Variants in PCDH15 observed in about 807,000 individuals in gnomAD.
PCDH15 encodes the protein protocadherin-15.
In PCDH15, 129 loss-of-function variants were observed where a neutral mutation model predicts 178.5. That is an observed-to-expected ratio of 0.72 (90% CI 0.63 to 0.84). PCDH15 has a LOEUF of 0.84. Ranked by LOEUF, PCDH15 falls within the 40% of genes least tolerant of loss-of-function variation. PCDH15 has a pLI of 0.00. For missense variants in PCDH15, 2,230 were observed against 2,099.9 expected (o/e 1.06, Z -1.21); for synonymous variants, 800 against 732.0 (o/e 1.09, Z -1.50).
chr10:55,006,159 A>T (rs1011291492), intron 2 of PCDH15, among the ~76,000 whole-genome samples: 1 of 152,020 alleles, frequency 6.6e-6, no homozygotes, highest in African/African-American at 2.4e-5. Flanking sequence ...ATTCTTATTA[A>T]TTGTATTAAT....
intron 34 of PCDH15, among the ~76,000 whole-genome samples, chr10:53,816,672 T>G (rs2076070557): frequency 1.3e-5 from 2 of 152,158 alleles, no homozygotes; most frequent in African/African-American, 4.8e-5. Flanking sequence ...CTTTTTTTCC[T>G]TCCCAATCAC....
intron 26 of PCDH15, among the ~76,000 whole-genome samples, chr10:53,896,692 G>A (rs2081974600): frequency 1.3e-5 from 2 of 152,090 alleles, no homozygotes; most frequent in South Asian, 4.1e-4. Context: ...ACTCTTCATG[G>A]CTCACATAAC....
intron 2 of PCDH15, among the ~76,000 whole-genome samples, chr10:54,652,911 A>G (rs1317659386): frequency 1.3e-5 from 2 of 152,212 alleles, no homozygotes; most frequent in Non-Finnish European, 2.9e-5. Flanking sequence ...CATGGTAGGA[A>G]AATGACAATC....
At chr10:54,346,950 A>G (rs1213332596) in intron 5 of PCDH15, among the ~76,000 whole-genome samples, 1 of 152,242 alleles carries the variant, frequency 6.6e-6, no homozygotes, top group Non-Finnish European at 1.5e-5. Context: ...AATTGGAGAC[A>G]ATGAATAGTC....
In PCDH15 at chr10:54,112,204, A is replaced by G. The variant is rs1385048909; in HGVS notation, c.1917+20671T>C. Among the ~76,000 whole-genome samples the G allele has an allele frequency of 2.0e-5, 3 of 152,044 alleles. No individual in the cohort carries two copies. In the East Asian group the frequency reaches 5.8e-4, roughly 29 times the overall value. On this transcript the variant is annotated intron_variant, in intron 15 of 37. Coordinates refer to ENST00000644397, the MANE Select transcript of PCDH15 (RefSeq NM_001384140.1). ...ATTCTACCTCATTCCTCTGGCGACC[A>G]TATTCCTCTAAGTCGGGGTTCCTCA...
chr10:54,417,892 C>T (rs1434197870), intron 3 of PCDH15, among the ~76,000 whole-genome samples: 1 of 152,128 alleles, frequency 6.6e-6, no homozygotes, highest in Non-Finnish European at 1.5e-5. Flanking sequence ...CACAGGTACA[C>T]ATGCTATTTG....
chr10:55,504,020 C>T (rs1840710237), intron 2 of PCDH15, among the ~76,000 whole-genome samples: 2 of 151,252 alleles, frequency 1.3e-5, no homozygotes, highest in Admixed American at 6.6e-5. Flanking sequence ...TAGGCAAAAG[C>T]AAGGAATGAG....
At chr10:55,319,050 AAC>A (rs67901034) in intron 1 of PCDH15, among the ~76,000 whole-genome samples, 97,184 of 150,040 alleles carry the variant, frequency 0.65, 32,136 homozygotes, top group Non-Finnish European at 0.72. Context: ...AAACAAACAA[AAC>A]ACACACACAC....
chr10:53,889,376 A>G (rs949747897), intron 26 of PCDH15, among the ~76,000 whole-genome samples: 5 of 152,130 alleles, frequency 3.3e-5, no homozygotes, highest in Non-Finnish European at 5.9e-5. Flanking sequence ...AACAAACAAC[A>G]GAATGTCCAG....
At chr10:54,150,307 C>G (rs748421764) in intron 14 of PCDH15, among the ~76,000 whole-genome samples, 27 of 151,988 alleles carry the variant, frequency 1.8e-4, no homozygotes, top group Non-Finnish European at 3.2e-4. Flanking sequence ...CTCCACCAAC[C>G]GTATCTCTGT....
intron 10 of PCDH15, among the ~76,000 whole-genome samples, chr10:54,208,882 GT>G (rs2051102828): frequency 6.6e-6 from 1 of 151,942 alleles, no homozygotes; most frequent in African/African-American, 2.4e-5. Flanking sequence ...CAGCCCTGAT[GT>G]TTTTTCTCTT....
intron 1 of PCDH15, among the ~76,000 whole-genome samples, chr10:55,236,867 C>T (rs558027285): frequency 7.6e-4 from 115 of 151,676 alleles, no homozygotes; most frequent in African/African-American, 2.7e-3. Context: ...AAATAAAATA[C>T]TAATATAATT....
chr10:54,248,921 G>A (rs1167581134), intron 8 of PCDH15, among the ~76,000 whole-genome samples: 2 of 151,812 alleles, frequency 1.3e-5, no homozygotes, highest in African/African-American at 2.4e-5. Context: ...TTTCTAAATC[G>A]CCTTAAAAAT....
At chr10:54,893,995 C>G (rs190032851) in intron 3 of PCDH15, among the ~76,000 whole-genome samples, 1 of 152,078 alleles carries the variant, frequency 6.6e-6, no homozygotes, top group African/African-American at 2.4e-5. Context: ...AATCTGTTTG[C>G]TTGCTGTTTA....
intron 2 of PCDH15, among the ~76,000 whole-genome samples, chr10:55,396,491 A>G (rs1399322109): frequency 6.6e-6 from 1 of 152,218 alleles, no homozygotes; most frequent in Non-Finnish European, 1.5e-5. Flanking sequence ...ATTTACATCA[A>G]GGTGACATCC....
At chr10:54,980,349 G>A (rs908918674) in intron 2 of PCDH15, among the ~76,000 whole-genome samples, 3 of 151,924 alleles carry the variant, frequency 2.0e-5, no homozygotes, top group Non-Finnish European at 4.4e-5. Context: ...TGAAAAGAGA[G>A]TAAATACTCT....
intron 1 of PCDH15, among the ~76,000 whole-genome samples, chr10:55,250,968 T>C (rs894486272): frequency 1.3e-5 from 2 of 152,154 alleles, no homozygotes; most frequent in African/African-American, 2.4e-5. Flanking sequence ...TTTGAAATTA[T>C]CTTACTTGTT....
chr10:54,359,011 TG>T (rs1945533113), intron 5 of PCDH15, among the ~76,000 whole-genome samples: 2 of 84,768 alleles, frequency 2.4e-5, no homozygotes, highest in Non-Finnish European at 2.2e-5. Flanking sequence ...GGGACTGTTG[TG>T]GGGTGGGGGG....
At chr10:55,112,312 C>T (rs1273259796) in intron 2 of PCDH15, among the ~76,000 whole-genome samples, 5 of 152,034 alleles carry the variant, frequency 3.3e-5, no homozygotes, top group African/African-American at 9.7e-5. Flanking sequence ...AGTTTTCTTG[C>T]CCTCTGTCCA....
Sources: allele counts gnomAD v4.1 joint callset (sites outside exome capture counted in the v4.1 genomes callset), GRCh38; gene constraint gnomAD v4.1.1; transcripts MANE v1.5; gene names NCBI Gene and HGNC (gene_info 2026-07-23, HGNC 2026-07-21).